Variants in RAB5C observed in about 807,000 individuals in gnomAD.
The protein encoded by RAB5C is ras-related protein Rab-5C.
A neutral mutation model predicts 25.2 loss-of-function variants in RAB5C; 4 were observed. The ratio of observed to expected loss-of-function variants is 0.16; its 90% CI spans 0.08 to 0.36. RAB5C has a LOEUF of 0.36. RAB5C is among the 10% of genes least tolerant of loss of function. The pLI is 1.00. For synonymous variants in RAB5C, 100 were observed against 106.4 expected (o/e 0.94, Z 0.37); for missense variants, 199 against 283.8 (o/e 0.70, Z 2.15).
intron 1 of RAB5C, among the ~76,000 whole-genome samples, chr17:42,145,033 C>T (rs138184269): frequency 0.01 from 1,491 of 144,220 alleles, 29 homozygotes; most frequent in African/African-American, 0.036. Context: ...GGTGTGGTGG[C>T]GCGCGCCTAT....
At chr17:42,140,516 T>TATATATATATATATATATATATATATATA (rs61570185) in intron 1 of RAB5C, among the ~76,000 whole-genome samples, 1 of 12,918 alleles carries the variant, frequency 7.7e-5, no homozygotes, top group Non-Finnish European at 1.3e-4. Context: ...TATATATATA[T>TATATATATATATATATATATATATATATA]TTTTTTTTTT....
intron 1 of RAB5C, among the ~76,000 whole-genome samples, chr17:42,141,926 A>G (rs552851779): frequency 1.2e-4 from 18 of 152,144 alleles, no homozygotes; most frequent in Non-Finnish European, 2.4e-4. Flanking sequence ...ACATTCACAC[A>G]TTCCTCTTAC....
At chr17:42,150,572 A>AAT (rs2079664316) in intron 1 of RAB5C, among the ~76,000 whole-genome samples, 1 of 149,614 alleles carries the variant, frequency 6.7e-6, no homozygotes, top group Admixed American at 6.7e-5. Context: ...AAAAAAAAAA[A>AAT]ATCAGCCAGA....
chr17:42,144,607 C>T (rs1355212909), intron 1 of RAB5C, among the ~76,000 whole-genome samples: 1 of 150,998 alleles, frequency 6.6e-6, no homozygotes, highest in East Asian at 2.0e-4. Flanking sequence ...AGGTCAGGAA[C>T]TTGAGACCAT....
At chr17:42,127,527 C>T (rs2054438710) in intron 4 of RAB5C, among the ~76,000 whole-genome samples, 1 of 151,882 alleles carries the variant, frequency 6.6e-6, no homozygotes, top group Admixed American at 6.6e-5. Context: ...CTTTTAGGCC[C>T]ATGCTTTTTT....
At chr17:42,142,920 G>A (rs2079611413) in intron 1 of RAB5C, among the ~76,000 whole-genome samples, 1 of 152,240 alleles carries the variant, frequency 6.6e-6, no homozygotes, top group Admixed American at 6.5e-5. Flanking sequence ...ACAAGACCCA[G>A]AGTCCAGGAA....
intron 1 of RAB5C, among the ~76,000 whole-genome samples, chr17:42,143,635 C>A (rs2144089205): frequency 6.7e-6 from 1 of 150,068 alleles, no homozygotes; most frequent in East Asian, 2.0e-4. Flanking sequence ...AGTCTGTCTC[C>A]AAAAATCTGG....
intron 2 of RAB5C, among the ~76,000 whole-genome samples, chr17:42,129,204 C>T (rs369977580): frequency 6.6e-6 from 1 of 152,088 alleles, no homozygotes; most frequent in African/African-American, 2.4e-5. Flanking sequence ...AGCTAGGGAC[C>T]GCTCCACCCC....
chr17:42,149,208 T>C (rs2079655180), intron 1 of RAB5C, among the ~76,000 whole-genome samples: 1 of 152,156 alleles, frequency 6.6e-6, no homozygotes, highest in South Asian at 2.1e-4. Flanking sequence ...CCCCAACATA[T>C]GTACCCTTCA....
chr17:42,146,836 C>T (rs1213474194), intron 1 of RAB5C, among the ~76,000 whole-genome samples: 1 of 151,066 alleles, frequency 6.6e-6, no homozygotes, highest in African/African-American at 2.4e-5. Context: ...GAAACTCTGC[C>T]TCTACTAAAA....
chr17:42,131,737 G>C (rs2054488484), intron 1 of RAB5C: 1 of 896,474 alleles, frequency 1.1e-6, no homozygotes, highest in Non-Finnish European at 1.7e-6. Context: ...GAATCACTTG[G>C]TTAGTGACAG....
At position 42,128,374 on chromosome 17, in the gene RAB5C, C is replaced by A; in HGVS notation, c.328G>T (p.Ala110Ser). ...VYDITNTDTF[A>S]RAKNWVKELQ... Reference sequence around the variant, plus strand: ...TCCTTCACCCAGTTCTTGGCCCGTGCAAATGTATCCTGAGGAGACAGGGAC... The same window carrying A: ...TCCTTCACCCAGTTCTTGGCCCGTGAAAATGTATCCTGAGGAGACAGGGAC... The change falls in exon 4 of 6, where the codon GCA becomes TCA. Residue 110 changes from alanine to serine, a missense_variant. This residue lies in a region of RAB5C where 154 missense variants were observed against 199.6 expected (regional missense o/e 0.77). Coordinates refer to ENST00000346213, the MANE Select transcript of RAB5C (RefSeq NM_004583.4). 1 of 1,613,426 alleles carries A rather than the reference C, an allele frequency of 6.2e-7. No homozygotes were observed.
intron 5 of RAB5C, 96 bp downstream of exon 5, chr17:42,126,654 AAAAAG>A: frequency 2.0e-6 from 1 of 508,992 alleles, no homozygotes; most frequent in Non-Finnish European, 3.4e-6. Context: ...AAAAAAAAAA[AAAAAG>A]AGTGGTGAAG....
chr17:42,143,519 C>A (rs1254422387), intron 1 of RAB5C, among the ~76,000 whole-genome samples: 1 of 152,106 alleles, frequency 6.6e-6, no homozygotes, highest in Non-Finnish European at 1.5e-5. Flanking sequence ...CACCTGTAAT[C>A]CCAGCTACTC....
intron 2 of RAB5C, 41 bp downstream of exon 2, chr17:42,130,296 C>A: frequency 6.4e-7 from 1 of 1,551,758 alleles, no homozygotes; most frequent in Non-Finnish European, 8.8e-7. Flanking sequence ...ATTTCTTTGG[C>A]AACCTTCAGG....
intron 5 of RAB5C, 37 bp downstream of exon 5, chr17:42,126,718 C>T: frequency 1.5e-6 from 2 of 1,327,458 alleles, no homozygotes; most frequent in Non-Finnish European, 2.1e-6. Context: ...TATGCCCTTG[C>T]TGTGGTGGAG....
At chr17:42,150,330 G>A (rs2079661930) in intron 1 of RAB5C, among the ~76,000 whole-genome samples, 2 of 151,754 alleles carry the variant, frequency 1.3e-5, no homozygotes, top group Non-Finnish European at 2.9e-5. Flanking sequence ...AATTACCTGA[G>A]GTCAGGAGAT....
intron 1 of RAB5C, among the ~76,000 whole-genome samples, 164 bp from the exon 2 acceptor site, chr17:42,130,754 T>A (rs988254414): frequency 1.3e-5 from 2 of 151,528 alleles, no homozygotes; most frequent in African/African-American, 4.9e-5. Flanking sequence ...GAGGCCCCAC[T>A]GGGCTATACT....
intron 1 of RAB5C, among the ~76,000 whole-genome samples, chr17:42,141,300 G>A (rs1312927221): frequency 6.6e-6 from 1 of 152,156 alleles, no homozygotes; most frequent in African/African-American, 2.4e-5. Flanking sequence ...GGGGACTGAG[G>A]GTTGTGAGAG....
Sources: gnomAD v4.1 joint callset for allele counts (sites outside exome capture counted in the v4.1 genomes callset) on GRCh38, gnomAD v4.1.1 for gene constraint, gnomAD v4.1.1 regional missense constraint, MANE v1.5 for transcripts, NCBI Gene and HGNC (gene_info 2026-07-23, HGNC 2026-07-21) for gene names.